ABCC1: variants seen among roughly 807,000 people sequenced by gnomAD.
ABCC1 encodes multidrug resistance-associated protein 1.
ABCC1 carries 83 observed loss-of-function variants against 172.9 expected under a neutral mutation model. The observed-to-expected ratio is 0.48, with a 90% CI of 0.40 to 0.58. The LOEUF is 0.58. Ranked by LOEUF, ABCC1 falls within the 20% of genes least tolerant of loss-of-function variation. The pLI, the probability that ABCC1 is intolerant of heterozygous loss-of-function variation, is 0.00. For synonymous variants in ABCC1, 937 were observed against 825.2 expected (o/e 1.14, Z -2.32); for missense variants, 1,817 against 2,002.7 (o/e 0.91, Z 1.77).
chr16:16,078,344 G>T (rs1378406593), intron 15 of ABCC1, among the ~76,000 whole-genome samples: 4 of 152,152 alleles, frequency 2.6e-5, no homozygotes, highest in Admixed American at 2.6e-4. Flanking sequence ...TTGACAGCCG[G>T]TCTTACTGGG....
intron 1 of ABCC1, among the ~76,000 whole-genome samples, chr16:15,987,915 T>A (rs2046778075): frequency 1.3e-5 from 2 of 152,194 alleles, no homozygotes; most frequent in African/African-American, 2.4e-5. Flanking sequence ...TTCCTCCAGA[T>A]GGCCATTTGG....
chr16:16,115,220 T>A, intron 23 of ABCC1, 144 bp downstream of exon 23: 1 of 942,356 alleles, frequency 1.1e-6, no homozygotes, highest in Non-Finnish European at 1.5e-6. Flanking sequence ...TTCGAATACC[T>A]AAATTGTTTT....
At chr16:16,080,127 T>A (rs1017384058) in intron 16 of ABCC1, among the ~76,000 whole-genome samples, 4 of 152,116 alleles carry the variant, frequency 2.6e-5, no homozygotes, top group African/African-American at 9.7e-5. Context: ...AAGAAATACT[T>A]AGTAGACACA....
chr16:16,020,512 C>G (rs45478893), intron 5 of ABCC1, among the ~76,000 whole-genome samples: 1 of 152,174 alleles, frequency 6.6e-6, no homozygotes, highest in African/African-American at 2.4e-5. Flanking sequence ...CACAGCCACT[C>G]GCGTTCATCA....
At chr16:16,049,893 C>T (rs2049357630) in intron 10 of ABCC1, among the ~76,000 whole-genome samples, 1 of 151,906 alleles carries the variant, frequency 6.6e-6, no homozygotes, top group Non-Finnish European at 1.5e-5. Flanking sequence ...AGTGTTTGAT[C>T]ATGTTGGCTA....
intron 7 of ABCC1, among the ~76,000 whole-genome samples, chr16:16,039,245 G>A (rs1195263175): frequency 2.8e-5 from 4 of 140,490 alleles, no homozygotes; most frequent in Non-Finnish European, 4.5e-5. Flanking sequence ...ATGTATGTGT[G>A]TGTGTGTGTG....
At chr16:16,082,940 G>A (rs922514654) in intron 16 of ABCC1, among the ~76,000 whole-genome samples, 7 of 152,260 alleles carry the variant, frequency 4.6e-5, no homozygotes, top group Middle Eastern at 6.8e-3. Flanking sequence ...GAGCCACTGC[G>A]CCTAGTCAAG....
intron 1 of ABCC1, among the ~76,000 whole-genome samples, chr16:15,967,329 C>T (rs1474348614): frequency 6.6e-6 from 1 of 152,018 alleles, no homozygotes; most frequent in Non-Finnish European, 1.5e-5. Flanking sequence ...TATAGAGCAT[C>T]TGTCTGTAGG....
At chr16:16,123,052 C>A (rs1468436864) in intron 24 of ABCC1, among the ~76,000 whole-genome samples, 3 of 152,120 alleles carry the variant, frequency 2.0e-5, no homozygotes, top group Non-Finnish European at 4.4e-5. Flanking sequence ...AGTGACAGCA[C>A]CCCAGAGGTG....
Position 16,014,497 on chromosome 16 carries a change from G to A in ABCC1, c.358G>A (p.Ala120Thr). The A allele has an allele frequency of 3.1e-6, 5 of 1,613,906 alleles. No homozygotes were observed. The highest frequency in any genetic ancestry group is 3.4e-6 in the Non-Finnish European group (4 of 1,179,936). Residue 120 changes from alanine to threonine, a missense_variant, in exon 4 of 31, where the codon GCT becomes ACT. Transcript: ENST00000399410. ...CTTGTGCTTCTCTCCTCAGCTGCTT[G>A]CTACCTTTTTAATTCAGCTGGAGAG... ...PTLLGITMLL[A>T]TFLIQLERRK...
At chr16:16,062,284 C>T (rs768543083) in intron 12 of ABCC1, among the ~76,000 whole-genome samples, 5 of 152,194 alleles carry the variant, frequency 3.3e-5, no homozygotes, top group Admixed American at 6.5e-5. Flanking sequence ...CCCTGTTCCC[C>T]ATTAGGAAAC....
intron 7 of ABCC1, among the ~76,000 whole-genome samples, 162 bp downstream of exon 7, chr16:16,036,765 C>T (rs547179966): frequency 1.8e-4 from 28 of 152,236 alleles, no homozygotes; most frequent in Non-Finnish European, 3.5e-4. Context: ...TGCTTTTCTG[C>T]CAAATGGGGT....
At chr16:16,140,143 C>T (rs547218470) in intron 30 of ABCC1, among the ~76,000 whole-genome samples, 1 of 152,238 alleles carries the variant, frequency 6.6e-6, no homozygotes, top group South Asian at 2.1e-4. Context: ...AATGAATGCG[C>T]TTAATGAATT....
intron 1 of ABCC1, among the ~76,000 whole-genome samples, chr16:15,993,585 C>A (rs1029827339): frequency 1.3e-5 from 2 of 152,264 alleles, no homozygotes; most frequent in East Asian, 1.9e-4. Flanking sequence ...CAGTATCTTA[C>A]AATGCACAGG....
At chr16:15,982,824 A>AAAAAAAAAAAAAAAAAT (rs2046655505) in intron 1 of ABCC1, among the ~76,000 whole-genome samples, 1 of 144,738 alleles carries the variant, frequency 6.9e-6, no homozygotes, top group African/African-American at 2.6e-5. Flanking sequence ...AAAAAAAAAA[A>AAAAAAAAAAAAAAAAAT]GGAAATCCAT....
At chr16:16,083,343 C>A (rs1596474256) in intron 16 of ABCC1, 23 bp from the exon 17 acceptor site, 1 of 1,610,012 alleles carries the variant, frequency 6.2e-7, no homozygotes. Flanking sequence ...TCTGTCTCAC[C>A]TCGTTCTCCA....
chr16:16,120,031 C>T (rs1363278061), intron 23 of ABCC1, among the ~76,000 whole-genome samples: 1 of 152,050 alleles, frequency 6.6e-6, no homozygotes, highest in East Asian at 1.9e-4. Flanking sequence ...TACCTGGGTT[C>T]ACTTACATAG....
chr16:16,096,519 T>C (rs1481340216), intron 19 of ABCC1, among the ~76,000 whole-genome samples: 2 of 152,302 alleles, frequency 1.3e-5, no homozygotes, highest in African/African-American at 4.8e-5. Flanking sequence ...ACATTCCTTC[T>C]GGCTGTCCTC....
chr16:15,964,355 G>A (rs2046200136), intron 1 of ABCC1, among the ~76,000 whole-genome samples: 1 of 152,146 alleles, frequency 6.6e-6, no homozygotes, highest in East Asian at 1.9e-4. Flanking sequence ...CAGATCTCTA[G>A]GGCAGGGTCA....
Sources: gnomAD v4.1 joint callset for allele counts (sites outside exome capture counted in the v4.1 genomes callset) on GRCh38, gnomAD v4.1.1 for gene constraint, MANE v1.5 for transcripts, NCBI Gene and HGNC (gene_info 2026-07-23, HGNC 2026-07-21) for gene names.